ZBTB40: variants seen among roughly 807,000 people sequenced by gnomAD.
The protein encoded by ZBTB40 is zinc finger and BTB domain-containing protein 40.
ZBTB40 carries 60 observed loss-of-function variants against 117.5 expected under a neutral mutation model. The observed-to-expected ratio is 0.51, with a 90% CI of 0.41 to 0.63. ZBTB40 has a LOEUF of 0.63. Ranked by LOEUF, ZBTB40 falls within the 30% of genes least tolerant of loss-of-function variation. The pLI is 0.00. For missense variants in ZBTB40, 1,287 were observed against 1,498.5 expected (o/e 0.86, Z 2.33); for synonymous variants, 525 against 577.1 (o/e 0.91, Z 1.29).
rs528861716 is a variant in ZBTB40 at position 22,526,747 on chromosome 1, G to A, written c.*351G>A. 2.6e-5 allele frequency: 9 copies of A among 349,752 alleles called. No homozygotes were observed. In the Admixed American group the frequency reaches 3.1e-4, roughly 12 times the overall value. 21.7% of individuals were successfully genotyped at this position (349,752 alleles called of 1,614,324 possible). On this transcript the variant is annotated 3_prime_UTR_variant, in exon 18 of 18. Coordinates refer to ENST00000375647, the MANE Select transcript of ZBTB40 (RefSeq NM_014870.4). The stretch of plus-strand genomic sequence containing the variant: ...AGCTGGTGACCAGGGTACCCCAGGA[G>A]GCATGATGTGCCGACAGCGCTCAGT...
At chr1:22,497,097 G>A (rs995626651) in intron 3 of ZBTB40, among the ~76,000 whole-genome samples, 2 of 152,220 alleles carry the variant, frequency 1.3e-5, no homozygotes, top group African/African-American at 4.8e-5. Context: ...GGCTGAAATT[G>A]TCTTCCTTCT....
chr1:22,484,173 A>G (rs925344729), intron 1 of ZBTB40, among the ~76,000 whole-genome samples: 2 of 152,180 alleles, frequency 1.3e-5, no homozygotes, highest in African/African-American at 4.8e-5. Flanking sequence ...GTAAATGTTG[A>G]AGTCATTATC....
chr1:22,459,571 T>G (rs990791812), intron 1 of ZBTB40, among the ~76,000 whole-genome samples: 1 of 152,232 alleles, frequency 6.6e-6, no homozygotes, highest in African/African-American at 2.4e-5. Flanking sequence ...GATTGCCAAT[T>G]CATATGCTGT....
intron 1 of ZBTB40, among the ~76,000 whole-genome samples, chr1:22,486,998 G>T (rs1023923160): frequency 1.3e-5 from 2 of 152,154 alleles, no homozygotes; most frequent in African/African-American, 4.8e-5. Context: ...GCCTCCCAAA[G>T]TGCTGGGATT....
chr1:22,524,353 C>A lies in ZBTB40; in HGVS notation c.3434C>A (p.Thr1145Asn). 1 of 1,614,186 alleles carries A rather than the reference C, an allele frequency of 6.2e-7. No individual in the cohort carries two copies. The highest frequency in any genetic ancestry group is 8.5e-7 in the Non-Finnish European group (1 of 1,180,048). Reference sequence around the variant, plus strand: ...TGTGAGCTCTGTGGGGAACTCTTCACCTCCCAGGCCCAGCTTGACAGTCAC... The same window carrying A: ...TGTGAGCTCTGTGGGGAACTCTTCAACTCCCAGGCCCAGCTTGACAGTCAC... The part of the protein sequence containing the change: ...FPCELCGELF[T>N]SQAQLDSHLE... Residue 1145 changes from threonine (T) to asparagine (N), a missense_variant, in exon 17 of 18, where the codon ACC becomes AAC. Around this residue, in one of 2 missense-constraint regions of ZBTB40, gnomAD observed 417 missense variants for 564.1 expected, o/e 0.74. Transcript: ENST00000375647.
Position 22,513,181 on chromosome 1 carries a change from C to G in ZBTB40, c.2668+51C>G, listed in dbSNP as rs1166917409. On this transcript the variant is annotated intron_variant, in intron 12 of 17. Coordinates refer to ENST00000375647, the MANE Select transcript of ZBTB40 (RefSeq NM_014870.4). This position sits in a 1 kb window ranked among gnomAD's most constrained non-coding sequence, Gnocchi z 4.9. Reference sequence around the variant, plus strand: ...CCTGCAGACTTTCACTGCGAACTGCCTAAACCCCATTTGGATTAGGTGTGA... The same window carrying G: ...CCTGCAGACTTTCACTGCGAACTGCGTAAACCCCATTTGGATTAGGTGTGA... 1.9e-6 allele frequency: 3 copies of G among 1,583,594 alleles called. No individual in the cohort carries two copies. In the African/African-American group the frequency reaches 4.0e-5, roughly 21 times the overall value.
At chr1:22,490,747 A>G in intron 2 of ZBTB40, 102 bp downstream of exon 2, 8 of 1,415,984 alleles carry the variant, frequency 5.6e-6, no homozygotes, top group Non-Finnish European at 7.7e-6. Flanking sequence ...TTAGGTAGAA[A>G]ACCAAAATTC....
chr1:22,494,722 C>G (rs1209899915), intron 3 of ZBTB40, among the ~76,000 whole-genome samples: 1 of 152,214 alleles, frequency 6.6e-6, no homozygotes, highest in East Asian at 1.9e-4. Context: ...CAGATGTTTA[C>G]TGAGCAACTG....
chr1:22,517,947 A>G lies in ZBTB40; in HGVS notation c.2833+483A>G, dbSNP rs1639419787. 1.3e-5 allele frequency among the ~76,000 whole-genome samples: 2 copies of G among 152,224 alleles called. 1 individual carries two copies. Among genetic ancestry groups the G allele is most frequent in the South Asian group, 4.1e-4 (2 of 4,836 alleles). On this transcript the variant is annotated intron_variant, in intron 13 of 17. Coordinates refer to ENST00000375647, the MANE Select transcript of ZBTB40 (RefSeq NM_014870.4). The stretch of plus-strand genomic sequence containing the variant: ...GAATGCCATTGTATTTCACACAGTT[A>G]GTGGGGTCTGCCCCTGTCTTTCTCC...
chr1:22,491,042 T>C (rs527425994), intron 2 of ZBTB40, among the ~76,000 whole-genome samples: 6 of 152,300 alleles, frequency 3.9e-5, no homozygotes, highest in African/African-American at 1.4e-4. Context: ...ATTACAGGCA[T>C]GTGCCACCAC....
rs1360100392 is a variant in ZBTB40 at position 22,459,479 on chromosome 1, T to G, written c.-70+7475T>G. Among the ~76,000 whole-genome samples the G allele has an allele frequency of 2.6e-5, 4 of 152,252 alleles. No individual in the cohort carries two copies. The East Asian group carries it at 7.7e-4, about 29-fold the overall frequency. The stretch of plus-strand genomic sequence containing the variant: ...TTAAAAACTTTTTTCTTCACTGATT[T>G]GAGATGCTGTCTTTATTGAATACTA... On this transcript the variant is annotated intron_variant, in intron 1 of 17. Transcript: ENST00000375647.
rs549235943 is a variant in ZBTB40, at chr1:22,527,419, C to T, written c.*1023C>T. The T allele has an allele frequency of 3.4e-4, 52 of 152,486 alleles. No individual in the cohort carries two copies. The highest frequency in any genetic ancestry group is 1.2e-3 in the African/African-American group (49 of 41,580). The allele number at this position is 152,486 out of a possible 1,614,324, so 9.4% of individuals were successfully genotyped here. A position where few individuals can be genotyped will look rare whatever the true frequency, so the allele number is the denominator to read the frequency against. On this transcript the variant is annotated 3_prime_UTR_variant, in exon 18 of 18. Transcript: ENST00000375647. ...CCACACTTATTGCAGGTCAGTGATC[C>T]TTTGGAGTTTGAATTTCACAAAGCT...
At chr1:22,486,006 A>T (rs1472506373) in intron 1 of ZBTB40, among the ~76,000 whole-genome samples, 1 of 150,670 alleles carries the variant, frequency 6.6e-6, no homozygotes, top group Non-Finnish European at 1.5e-5. Flanking sequence ...AAAAAAAAAA[A>T]TCCTGGTGTG....
intron 13 of ZBTB40, among the ~76,000 whole-genome samples, chr1:22,517,832 C>G (rs1435590966): frequency 6.6e-6 from 1 of 152,170 alleles, no homozygotes; most frequent in Non-Finnish European, 1.5e-5. Context: ...CCCGTAGGAG[C>G]AGTCCAGACA....
chr1:22,460,284 T>C (rs1220899970), intron 1 of ZBTB40, among the ~76,000 whole-genome samples: 1 of 152,206 alleles, frequency 6.6e-6, no homozygotes, highest in East Asian at 1.9e-4. Flanking sequence ...CCTTGTTGTA[T>C]TTCTAAGTCT....
chr1:22,472,185 C>CTTT (rs113978058), intron 1 of ZBTB40, among the ~76,000 whole-genome samples: 7 of 144,058 alleles, frequency 4.9e-5, no homozygotes, highest in African/African-American at 1.8e-4. Flanking sequence ...AACTGAGCTG[C>CTTT]TTTTTTTTTT....
intron 1 of ZBTB40, among the ~76,000 whole-genome samples, chr1:22,438,269 A>T (rs950336117): frequency 6.6e-6 from 1 of 152,220 alleles, no homozygotes; most frequent in African/African-American, 2.4e-5. Flanking sequence ...TATTAGTAGG[A>T]TCATATTTGT....
At chr1:22,443,168 G>GT (rs2124368507) in intron 1 of ZBTB40, among the ~76,000 whole-genome samples, 1 of 152,280 alleles carries the variant, frequency 6.6e-6, no homozygotes, top group African/African-American at 2.4e-5. Context: ...ACCTGCTGGG[G>GT]TTTTTTGATT....
chr1:22,489,093 T>TA (rs1638553011), intron 1 of ZBTB40, among the ~76,000 whole-genome samples: 1 of 152,170 alleles, frequency 6.6e-6, no homozygotes. Flanking sequence ...TTGGATATGT[T>TA]ACGTTTCAGA....
Sources: gnomAD v4.1 joint callset for allele counts (sites outside exome capture counted in the v4.1 genomes callset) on GRCh38, gnomAD v4.1.1 for gene constraint, gnomAD v4.1.1 regional missense constraint, Gnocchi (gnomAD v3.1) non-coding constraint, MANE v1.5 for transcripts, NCBI Gene and HGNC (gene_info 2026-07-23, HGNC 2026-07-21) for gene names.